The following DIO2 variants were observed in gnomAD, a reference collection of about 807,000 sequenced individuals.
DIO2 encodes type II iodothyronine deiodinase.
A neutral mutation model predicts 21.4 loss-of-function variants in DIO2; 19 were observed. The ratio of observed to expected loss-of-function variants is 0.89; its 90% confidence interval spans 0.62 to 1.30. DIO2 has a LOEUF of 1.30. Ranked by LOEUF, DIO2 falls within the 50% of genes most tolerant of loss-of-function variation. DIO2 has a pLI of 0.00. For missense variants in DIO2, 302 were observed against 338.1 expected (o/e 0.89, Z 0.84); for synonymous variants, 122 against 132.9 (o/e 0.92, Z 0.57).
At position 80,198,678 on chromosome 14, in the gene DIO2, A is replaced by G. The variant is rs1887582306; in HGVS notation, c.*4011T>C. 1 of 151,658 alleles carries G rather than the reference A, an allele frequency of 6.6e-6. No individual in the cohort carries two copies. The highest frequency in any genetic ancestry group is 2.4e-5 in the African/African-American group (1 of 41,284). 9.4% of individuals were successfully genotyped at this position (151,658 alleles called of 1,614,324 possible). ...AGCCCCATTCTGGAAGCATATATGA[A>G]GAGTGGGTTTGGATTCTATTTTTAG... On this transcript the variant is annotated 3_prime_UTR_variant, in exon 2 of 2. Coordinates refer to ENST00000438257, the MANE Select transcript of DIO2 (RefSeq NM_013989.5).
chr14:80,211,357 A>G lies in DIO2; in HGVS notation c.116T>C (p.Leu39Pro), dbSNP rs1888183643. The G allele has an allele frequency of 1.9e-6, 3 of 1,613,818 alleles. No homozygotes were observed. The highest frequency in any genetic ancestry group is 1.3e-5 in the African/African-American group (1 of 74,992). ...DSVILLKHVV[L>P]LLSRSKSTRG... Reference sequence around the variant, plus strand: ...AGTGGACTTGGAGCGGCTCAACAGCAGCACCACGTGCTTGAGCAGAATGAC... The same window carrying G: ...AGTGGACTTGGAGCGGCTCAACAGCGGCACCACGTGCTTGAGCAGAATGAC... The change falls in exon 1 of 2, where the codon CTG becomes CCG. Residue 39 changes from leucine to proline, a missense_variant. Leu to Pro is a moderately conservative substitution (Grantham distance 98). Coordinates refer to ENST00000438257, the MANE Select transcript of DIO2 (RefSeq NM_013989.5).
intron 2 of DIO2, among the ~76,000 whole-genome samples, chr14:80,226,646 C>A (rs560530767): frequency 6.6e-6 from 1 of 152,290 alleles, no homozygotes; most frequent in Admixed American, 6.5e-5. Context: ...ATGGCTATAG[C>A]CAGGTCAGCC....
chr14:80,218,224 C>T (rs1888394510), intron 2 of DIO2, among the ~76,000 whole-genome samples: 1 of 147,884 alleles, frequency 6.8e-6, no homozygotes, highest in South Asian at 2.1e-4. Flanking sequence ...CACACACACA[C>T]ATAAACAAAC....
intron 1 of DIO2, among the ~76,000 whole-genome samples, chr14:80,210,324 TA>T (rs1046057674): frequency 1.2e-4 from 19 of 152,250 alleles, no homozygotes; most frequent in African/African-American, 4.6e-4. Flanking sequence ...AATGCTCTAC[TA>T]ACATCTCTCA....
upstream of DIO2, chr14:80,211,551 A>C: frequency 2.7e-5 from 2 of 75,054 alleles, no homozygotes; most frequent in East Asian, 5.7e-4. Context: ...GGTGGTGATA[A>C]AGGGGGTGGG....
chr14:80,219,599 A>T (rs1888426491), intron 2 of DIO2: 1 of 152,034 alleles, frequency 6.6e-6, no homozygotes, highest in Admixed American at 6.6e-5. Flanking sequence ...GGGCATTGAA[A>T]ATGATCCTGA....
chr14:80,215,038 C>T (rs1165308950), upstream of DIO2, among the ~76,000 whole-genome samples: 2 of 152,154 alleles, frequency 1.3e-5, no homozygotes, highest in Non-Finnish European at 2.9e-5. Flanking sequence ...TTAAGACTGT[C>T]CCGACTCAGG....
intron 2 of DIO2, among the ~76,000 whole-genome samples, chr14:80,224,496 T>TACACACACACACACACACAC (rs59545805): frequency 6.5e-5 from 9 of 138,494 alleles, no homozygotes; most frequent in Admixed American, 1.5e-4. Context: ...AGAGAGATAC[T>TACACACACACACACACACAC]ACACACACAC....
At chr14:80,224,351 C>G (rs1888527109) in intron 2 of DIO2, among the ~76,000 whole-genome samples, 1 of 152,082 alleles carries the variant, frequency 6.6e-6, no homozygotes, top group Non-Finnish European at 1.5e-5. Flanking sequence ...ATCTCTGGAA[C>G]CTGTAAATGT....
intron 2 of DIO2, among the ~76,000 whole-genome samples, chr14:80,218,666 A>G (rs554559737): frequency 6.6e-6 from 1 of 152,304 alleles, no homozygotes; most frequent in South Asian, 2.1e-4. Flanking sequence ...GTGCTTATCA[A>G]AGTAAAGCCT....
At chr14:80,211,182 C>T in intron 1 of DIO2, 69 bp downstream of exon 1, 1 of 1,471,116 alleles carries the variant, frequency 6.8e-7, no homozygotes, top group South Asian at 1.2e-5. Flanking sequence ...TCCCAATGGC[C>T]TCTGGTCCCC....
rs1435360639 is a variant in DIO2, at chr14:80,198,285, T to C, written c.*4404A>G. The C allele has an allele frequency of 6.5e-6, 1 of 152,684 alleles. No individual in the cohort carries two copies. The highest frequency in any genetic ancestry group is 1.5e-5 in the Non-Finnish European group (1 of 68,074). The allele number at this position is 152,684 out of a possible 1,614,324, so 9.5% of individuals were successfully genotyped here. A position where few individuals can be genotyped will look rare whatever the true frequency, so the allele number is the denominator to read the frequency against. On this transcript the variant is annotated 3_prime_UTR_variant, in exon 2 of 2. Coordinates refer to ENST00000438257, the MANE Select transcript of DIO2 (RefSeq NM_013989.5). ...CTAAGACGGGTAGCCAGCCCCGACTTGCATGAGCAGTCTTGTTTGGATATC... is the reference window on the plus strand; with the variant it reads ...CTAAGACGGGTAGCCAGCCCCGACTCGCATGAGCAGTCTTGTTTGGATATC...
At chr14:80,210,608 A>T (rs1350236199) in intron 1 of DIO2, among the ~76,000 whole-genome samples, 1 of 152,194 alleles carries the variant, frequency 6.6e-6, no homozygotes, top group Non-Finnish European at 1.5e-5. Context: ...GCAAGTTGAT[A>T]TCTAGTAACT....
upstream of DIO2, among the ~76,000 whole-genome samples, chr14:80,213,968 T>C (rs1240735804): frequency 6.6e-6 from 1 of 152,204 alleles, no homozygotes; most frequent in Non-Finnish European, 1.5e-5. Context: ...ATGACTAGCA[T>C]ACAATGTTAG....
chr14:80,216,160 CAG>C (rs1333122832), upstream of DIO2: 6 of 151,626 alleles, frequency 4.0e-5, no homozygotes, highest in Admixed American at 2.6e-4. Flanking sequence ...ACTGGTAAGA[CAG>C]AGGGGGAGAA....
In DIO2 at chr14:80,202,643, CT is replaced by C; in HGVS notation, c.*45del. 1 of 1,520,000 alleles carries C rather than the reference CT, an allele frequency of 6.6e-7. No individual in the cohort carries two copies. The allele number at this position is 1,520,000 out of a possible 1,614,324, so 94.2% of individuals were successfully genotyped here. A position where few individuals can be genotyped will look rare whatever the true frequency, so the allele number is the denominator to read the frequency against. ...TGGATTCAGTTCTTAATTTCCTTGC[CT>C]TTATATAACTTTTTAAAACAATAAG... On this transcript the variant is annotated 3_prime_UTR_variant, in exon 2 of 2. Transcript: ENST00000438257.
chr14:80,209,353 T>C (rs1446126544), intron 1 of DIO2, among the ~76,000 whole-genome samples: 1 of 151,886 alleles, frequency 6.6e-6, no homozygotes, highest in Non-Finnish European at 1.5e-5. Flanking sequence ...CCAATAAGTT[T>C]TTTTTTTTTT....
rs762084709 is a variant in DIO2 at position 80,202,345 on chromosome 14, T to G, written c.*344A>C. ...GTAGCTTCCCTAATGTAGTAATTAT[T>G]CAGGTAAGTCTTTTCTTCTGGTCTC... is the stretch of plus-strand genomic sequence containing the variant. On this transcript the variant is annotated 3_prime_UTR_variant, in exon 2 of 2. Coordinates refer to ENST00000438257, the MANE Select transcript of DIO2 (RefSeq NM_013989.5). 3 of 552,466 alleles carry G rather than the reference T, an allele frequency of 5.4e-6. No homozygotes were observed. Among genetic ancestry groups the G allele is most frequent in the Non-Finnish European group, 1.1e-5 (3 of 282,772 alleles). 34.2% of individuals were successfully genotyped at this position (552,466 alleles called of 1,614,324 possible).
intron 2 of DIO2, among the ~76,000 whole-genome samples, chr14:80,228,622 T>C (rs1888624827): frequency 6.6e-6 from 1 of 152,182 alleles, no homozygotes; most frequent in Admixed American, 6.5e-5. Context: ...TCTATTTGGC[T>C]TTTCCCACCA....
Sources: allele counts gnomAD v4.1 joint callset (sites outside exome capture counted in the v4.1 genomes callset), GRCh38; gene constraint gnomAD v4.1.1; transcripts MANE v1.5; gene names NCBI Gene and HGNC (gene_info 2026-07-23, HGNC 2026-07-21).